The following RTEL1 variants were observed in gnomAD, a reference collection of about 807,000 sequenced individuals.
RTEL1 encodes regulator of telomere length.
A neutral mutation model predicts 162.2 loss-of-function variants in RTEL1; 86 were observed. The ratio of observed to expected loss-of-function variants is 0.53; its 90% confidence interval spans 0.45 to 0.63. The LOEUF is 0.63. Among genes scored for constraint, RTEL1 ranks in the 30% least tolerant of loss-of-function variants. RTEL1 has a pLI of 0.00. For missense variants in RTEL1, 1,941 were observed against 1,750.2 expected, an observed-to-expected ratio of 1.11 and a Z score of -1.95; for synonymous variants, 958 against 717.9, an observed-to-expected ratio of 1.33 and a Z score of -5.35.
At chr20:63,662,942 A>T in intron 6 of RTEL1, 53 bp downstream of exon 6, 1 of 1,544,910 alleles carries the variant, frequency 6.5e-7, no homozygotes, top group East Asian at 2.2e-5. Flanking sequence ...GCAGCCTCTC[A>T]GGGTGGAGCT....
chr20:63,663,429 T>C (rs1395252315), intron 6 of RTEL1, among the ~76,000 whole-genome samples: 2 of 152,156 alleles, frequency 1.3e-5, no homozygotes, highest in East Asian at 1.9e-4. Context: ...ACGGGATGCC[T>C]TGGGGCCTCT....
In RTEL1 at chr20:63,661,094, G is replaced by A. The variant is rs75526725; in HGVS notation, c.103-204G>A. Among the ~76,000 whole-genome samples the A allele has an allele frequency of 0.057, 8,734 of 152,352 alleles. 345 individuals are homozygous for A. Among genetic ancestry groups the A allele is most frequent in the Non-Finnish European group, 0.086 (5,830 of 68,038 alleles). ...GTTCTGCAAATCGTTTGCTAATGGC[G>A]GCTGAGTTGCTTCACGCCCTTTAGG... On this transcript the variant is annotated intron_variant, in intron 2 of 34. Transcript: ENST00000360203. The surrounding 1 kb of genome is among the most constrained non-coding windows in gnomAD (Gnocchi z 5.1).
At chr20:63,689,946 T>G (rs941806428) in intron 24 of RTEL1, 81 bp downstream of exon 24, 4 of 1,551,898 alleles carry the variant, frequency 2.6e-6, no homozygotes, top group Non-Finnish European at 3.5e-6. Flanking sequence ...CTTCCCCACA[T>G]GAGGCCCCGT....
chr20:63,692,125 C>T (rs1460610151), intron 28 of RTEL1: 2 of 386,758 alleles, frequency 5.2e-6, no homozygotes, highest in Non-Finnish European at 9.6e-6. Context: ...TGGATGCACA[C>T]CTGCCTCATG....
intron 29 of RTEL1, 60 bp downstream of exon 29, chr20:63,693,063 G>T (rs41308090): frequency 1.9e-6 from 3 of 1,609,664 alleles, no homozygotes; most frequent in Non-Finnish European, 2.5e-6. Context: ...CGTGTGGGGT[G>T]GGGGCCATCT....
chr20:63,689,878 C>T lies in RTEL1; in HGVS notation c.2141+13C>T, dbSNP rs1479297656. On this transcript the variant is annotated intron_variant, in intron 24 of 34. Coordinates refer to ENST00000360203, the MANE Select transcript of RTEL1 (RefSeq NM_001283009.2). ...TCTGTGACCACAGGTGCGTGCAGTC[C>T]GGTGGCAGGCGCGGCGCCAGGGGAC... is the stretch of plus-strand genomic sequence containing the variant. 6.3e-6 allele frequency: 10 copies of T among 1,599,328 alleles called. No homozygotes were observed. Among genetic ancestry groups the T allele is most frequent in the South Asian group, 3.3e-5 (3 of 90,840 alleles).
chr20:63,666,074 G>C lies in RTEL1; in HGVS notation c.609G>C (p.Lys203Asn), dbSNP rs1411095951. Reference sequence around the variant, plus strand: ...AGGACTTGGTCAAGAGCGGAAGCAAGCACAGGTGAGACCCCTCAGTGAGGC... The same window carrying C: ...AGGACTTGGTCAAGAGCGGAAGCAACCACAGGTGAGACCCCTCAGTGAGGC... Reference protein sequence around the residue: ...DIEDLVKSGSKHRVCPYYLSR... With the variant: ...DIEDLVKSGSNHRVCPYYLSR... The change falls in exon 7 of 35, where the codon AAG (lysine) becomes AAC (asparagine). Residue 203 changes from lysine to asparagine, a missense_variant. Lys to Asn is a moderately conservative substitution (Grantham distance 94). Coordinates refer to ENST00000360203, the MANE Select transcript of RTEL1 (RefSeq NM_001283009.2). 6.2e-7 allele frequency: 1 copy of C among 1,614,048 alleles called. No homozygotes were observed. Among genetic ancestry groups the C allele is most frequent in the Non-Finnish European group, 8.5e-7 (1 of 1,179,932 alleles).
At chr20:63,680,362 G>A (rs2090454922) in intron 13 of RTEL1, among the ~76,000 whole-genome samples, 1 of 152,200 alleles carries the variant, frequency 6.6e-6, no homozygotes, top group African/African-American at 2.4e-5. Flanking sequence ...CCTCTGCTGC[G>A]CTCCCGGGTG....
chr20:63,685,462 T>A, intron 14 of RTEL1, 61 bp from the exon 15 acceptor site: 1 of 1,539,652 alleles, frequency 6.5e-7, no homozygotes, highest in South Asian at 1.2e-5. Context: ...ATGCGGCTGA[T>A]GCTGCAGAAA....
intron 16 of RTEL1, 125 bp from the exon 17 acceptor site, chr20:63,687,513 G>A: frequency 1.8e-6 from 2 of 1,121,346 alleles, no homozygotes; most frequent in Non-Finnish European, 2.5e-6. Context: ...GTGGGCCTGG[G>A]TGGCTGCCCG....
At chr20:63,663,007 G>A in intron 6 of RTEL1, 118 bp downstream of exon 6, 1 of 956,134 alleles carries the variant, frequency 1.0e-6, no homozygotes, top group Non-Finnish European at 1.7e-6. Flanking sequence ...GTGCGGCCAT[G>A]TACCTGGGCC....
At position 63,660,876 on chromosome 20, in the gene RTEL1, A is replaced by G. The variant is rs562480493; in HGVS notation, c.103-422A>G. 71 of 191,174 alleles carry G rather than the reference A, an allele frequency of 3.7e-4. 2 individuals are homozygous for G. The South Asian group carries it at 6.1e-3, about 17-fold the overall frequency. 11.8% of individuals were successfully genotyped at this position (191,174 alleles called of 1,614,324 possible). ...TGGGTTCCTTGAGGTGCCCTCTTGT[A>G]CCCGGCTCACACCCTTCCCCTCCCC... On this transcript the variant is annotated intron_variant, in intron 2 of 34. Transcript: ENST00000360203.
chr20:63,664,020 C>G (rs1339646024), intron 6 of RTEL1, among the ~76,000 whole-genome samples: 1 of 152,156 alleles, frequency 6.6e-6, no homozygotes, highest in Non-Finnish European at 1.5e-5. Flanking sequence ...GAGACATCCT[C>G]TGTGTTGCTT....
chr20:63,663,711 C>G (rs914654215), intron 6 of RTEL1, among the ~76,000 whole-genome samples: 3 of 152,210 alleles, frequency 2.0e-5, no homozygotes, highest in African/African-American at 7.2e-5. Context: ...CCTCTGTTTC[C>G]TGCCTCAGTT....
chr20:63,660,282 T>C (rs2089992843), intron 2 of RTEL1, among the ~76,000 whole-genome samples: 1 of 152,234 alleles, frequency 6.6e-6, no homozygotes, highest in Non-Finnish European at 1.5e-5. Flanking sequence ...GCTGGGGGAC[T>C]GTCAGGTCTT....
rs202008277 is a variant in RTEL1 at position 63,695,302 on chromosome 20, C to G, written c.3500-26C>G. On this transcript the variant is annotated intron_variant, in intron 33 of 34. Transcript: ENST00000360203. ...AGTGAGCAGCAAAGCCCCAGGCCCC[C>G]CTCAGACTCAAGTCTCTGTCTCCAG... is the stretch of plus-strand genomic sequence containing the variant. The G allele has an allele frequency of 3.9e-5, 61 of 1,581,266 alleles. No individual in the cohort carries two copies. In the East Asian group the frequency reaches 1.3e-3, roughly 34 times the overall value.
chr20:63,674,164 G>T, intron 10 of RTEL1, 71 bp downstream of exon 10: 1 of 1,532,832 alleles, frequency 6.5e-7, no homozygotes, highest in South Asian at 1.3e-5. Context: ...CCGGAGTTCA[G>T]CACGGACTCC....
At chr20:63,689,337 T>C (rs2090670095) in intron 22 of RTEL1, among the ~76,000 whole-genome samples, 165 bp from the exon 23 acceptor site, 1 of 151,974 alleles carries the variant, frequency 6.6e-6, no homozygotes, top group Admixed American at 6.6e-5. Flanking sequence ...GAGTTGGAGG[T>C]GGCGTCTGGG....
chr20:63,692,775 C>G lies in RTEL1; in HGVS notation c.2653-30C>G, dbSNP rs779685672. 9 of 1,598,830 alleles carry G rather than the reference C, an allele frequency of 5.6e-6. No homozygotes were observed. The South Asian group carries it at 7.7e-5, about 14-fold the overall frequency. On this transcript the variant is annotated intron_variant, in intron 28 of 34. Coordinates refer to ENST00000360203, the MANE Select transcript of RTEL1 (RefSeq NM_001283009.2). The stretch of plus-strand genomic sequence containing the variant: ...CAGGGACCAGATGATGAGGCTGGCC[C>G]TGATGGAGCCTCGGGCCTGTGTCCT...
Sources: gnomAD v4.1 joint callset for allele counts (sites outside exome capture counted in the v4.1 genomes callset) on GRCh38, gnomAD v4.1.1 for gene constraint, Gnocchi (gnomAD v3.1) non-coding constraint, MANE v1.5 for transcripts, NCBI Gene and HGNC (gene_info 2026-07-23, HGNC 2026-07-21) for gene names.